SYCP2: variants seen among roughly 807,000 people sequenced by gnomAD.
SYCP2 encodes synaptonemal complex protein 2.
Under a neutral mutation model 211.3 loss-of-function variants are expected in SYCP2, and 55 were observed. The observed-to-expected ratio is 0.26, with a 90% CI of 0.21 to 0.33. The LOEUF is 0.33. Among genes scored for constraint, SYCP2 ranks in the 10% least tolerant of loss-of-function variants. The pLI is 1.00. For missense variants in SYCP2, 1,731 were observed against 1,752.0 expected (o/e 0.99, Z 0.21); for synonymous variants, 570 against 555.2 (o/e 1.03, Z -0.37).
intron 24 of SYCP2, among the ~76,000 whole-genome samples, chr20:59,889,824 C>T (rs2059869598): frequency 6.6e-6 from 1 of 151,964 alleles, no homozygotes; most frequent in African/African-American, 2.4e-5. Flanking sequence ...AGTAGAAAGA[C>T]AGTATCAGAC....
chr20:59,921,238 G>T, intron 4 of SYCP2, 72 bp downstream of exon 4: 1 of 1,313,800 alleles, frequency 7.6e-7, no homozygotes. Flanking sequence ...TTTTTCTAAT[G>T]GAGTACTTCC....
intron 31 of SYCP2, 55 bp from the exon 32 acceptor site, chr20:59,878,100 A>C (rs369101708): frequency 1.8e-6 from 2 of 1,112,002 alleles, no homozygotes; most frequent in East Asian, 2.4e-5. Flanking sequence ...ATAGGCATTA[A>C]ATTTATTAGA....
chr20:59,919,608 G>C lies in SYCP2; in HGVS notation c.298-11C>G. 1 of 1,530,634 alleles carries C rather than the reference G, an allele frequency of 6.5e-7. No individual in the cohort carries two copies. The highest frequency in any genetic ancestry group is 1.4e-5 in the African/African-American group (1 of 72,510). 94.8% of individuals were successfully genotyped at this position (1,530,634 alleles called of 1,614,324 possible). A position where few individuals can be genotyped will look rare whatever the true frequency, so the allele number is the denominator to read the frequency against. ...AAACCAGGCAACCATGTAAAAAAAG[G>C]AATGAACTTATTAGAGTTCCATTTT... On this transcript the variant is annotated splice_polypyrimidine_tract_variant and intron_variant, in intron 5 of 44. Transcript: ENST00000357552.
At chr20:59,913,849 A>G in intron 12 of SYCP2, 126 bp downstream of exon 12, 1 of 571,276 alleles carries the variant, frequency 1.8e-6, no homozygotes, top group South Asian at 4.9e-5. Flanking sequence ...ATCTATGCAC[A>G]TTCTACACTC....
chr20:59,902,415 G>A (rs1476007453), intron 15 of SYCP2, among the ~76,000 whole-genome samples: 3 of 152,022 alleles, frequency 2.0e-5, no homozygotes, highest in Non-Finnish European at 4.4e-5. Context: ...AAAATTACCT[G>A]GCCCCTAATA....
intron 7 of SYCP2, among the ~76,000 whole-genome samples, chr20:59,918,945 A>G (rs1343282946): frequency 1.3e-5 from 2 of 152,110 alleles, no homozygotes; most frequent in African/African-American, 2.4e-5. Context: ...TTCTTGTTAT[A>G]CAAGTACCCT....
chr20:59,906,996 T>C (rs1022653995), intron 15 of SYCP2, among the ~76,000 whole-genome samples: 4 of 152,168 alleles, frequency 2.6e-5, no homozygotes, highest in Non-Finnish European at 5.9e-5. Flanking sequence ...ATATCTAAAT[T>C]TGTAATAGTA....
In SYCP2 at chr20:59,867,797, C is replaced by T. The variant is rs964680797; in HGVS notation, c.4039G>A (p.Glu1347Lys). 4 of 1,609,288 alleles carry T rather than the reference C, an allele frequency of 2.5e-6. No homozygotes were observed. The highest frequency in any genetic ancestry group is 2.7e-5 in the African/African-American group (2 of 74,622). Residue 1347 changes from glutamate (E) to lysine (K), a missense_variant, in exon 39 of 45, where the codon GAG (glutamate) becomes AAG (lysine). By Grantham distance (56) the Glu-to-Lys change is moderately conservative. This residue lies in a region of SYCP2 where 1,387 missense variants were observed against 1,351.3 expected (regional missense o/e 1.03). Transcript: ENST00000357552. ...CCTGCAAATTCATTTTGCCAGGTCT[C>T]CCAAGGAATAGAAAAGTCATTTGTT... ...LSTNDFSIPWETWQNEFAGIE... is the reference protein window; with the variant it reads ...LSTNDFSIPWKTWQNEFAGIE...
intron 41 of SYCP2, 90 bp from the exon 42 acceptor site, chr20:59,865,955 A>G: frequency 1.9e-6 from 1 of 540,536 alleles, no homozygotes; most frequent in Non-Finnish European, 3.1e-6. Context: ...AAAAATTAAA[A>G]TCCAACAGTA....
intron 26 of SYCP2, among the ~76,000 whole-genome samples, chr20:59,884,465 CTAAA>C (rs916465687): frequency 4.2e-4 from 64 of 151,982 alleles, no homozygotes; most frequent in African/African-American, 1.1e-3. Context: ...TTAAATATCA[CTAAA>C]TAATTGATTA....
intron 24 of SYCP2, among the ~76,000 whole-genome samples, chr20:59,890,211 T>C (rs1416392236): frequency 2.6e-5 from 4 of 152,160 alleles, no homozygotes; most frequent in Admixed American, 1.3e-4. Flanking sequence ...TGGAATACTA[T>C]GCAGCCATAA....
At chr20:59,931,913 C>T (rs1158951410) in intron 2 of SYCP2, 149 bp downstream of exon 2, 2 of 152,144 alleles carry the variant, frequency 1.3e-5, no homozygotes, top group East Asian at 3.9e-4. Context: ...AGAAGGCTAA[C>T]TCTAAAAAGA....
chr20:59,901,532 G>A (rs2060115289), intron 16 of SYCP2, 130 bp downstream of exon 16: 4 of 581,058 alleles, frequency 6.9e-6, no homozygotes, highest in Non-Finnish European at 1.1e-5. Context: ...CTCTTCAACA[G>A]TACAAATTTA....
intron 22 of SYCP2, 139 bp from the exon 23 acceptor site, chr20:59,892,840 T>G (rs1305993696): frequency 2.8e-6 from 2 of 703,794 alleles, no homozygotes; most frequent in African/African-American, 1.8e-5. Flanking sequence ...ATCTTACAGT[T>G]CTACTGTATA....
chr20:59,920,286 A>T, intron 5 of SYCP2, 73 bp downstream of exon 5: 1 of 1,319,722 alleles, frequency 7.6e-7, no homozygotes, highest in Non-Finnish European at 1.0e-6. Context: ...AACAATTTGG[A>T]TAATTTCTTA....
At chr20:59,897,267 T>G (rs1024652489) in intron 18 of SYCP2, among the ~76,000 whole-genome samples, 1 of 152,114 alleles carries the variant, frequency 6.6e-6, no homozygotes, top group African/African-American at 2.4e-5. Context: ...AGTGGGTATG[T>G]ATATGAAACG....
chr20:59,889,145 G>T (rs953522970), intron 24 of SYCP2, among the ~76,000 whole-genome samples: 2 of 151,996 alleles, frequency 1.3e-5, no homozygotes, highest in Non-Finnish European at 2.9e-5. Flanking sequence ...GTGCAATACT[G>T]TAATGGTAGA....
chr20:59,892,442 A>C lies in SYCP2; in HGVS notation c.1928-16T>G, dbSNP rs370113255. On this transcript the variant is annotated splice_polypyrimidine_tract_variant and intron_variant, in intron 23 of 44. Coordinates refer to ENST00000357552, the MANE Select transcript of SYCP2 (RefSeq NM_014258.4). Reference sequence around the variant, plus strand: ...ATAACAATATCTATTGGGGAAAATGAGAAATTAATTCTTTTTAAATTAATA... The same window carrying C: ...ATAACAATATCTATTGGGGAAAATGCGAAATTAATTCTTTTTAAATTAATA... 1.4e-6 allele frequency: 2 copies of C among 1,468,210 alleles called. No homozygotes were observed. 90.9% of individuals were successfully genotyped at this position (1,468,210 alleles called of 1,614,324 possible).
intron 10 of SYCP2, 84 bp from the exon 11 acceptor site, chr20:59,914,335 T>C (rs2060390441): frequency 2.8e-6 from 2 of 717,780 alleles, no homozygotes; most frequent in Non-Finnish European, 4.3e-6. Flanking sequence ...GGTATTAGAA[T>C]AAGCAAGAGA....
Sources: gnomAD v4.1 joint callset for allele counts (sites outside exome capture counted in the v4.1 genomes callset) on GRCh38, gnomAD v4.1.1 for gene constraint, gnomAD v4.1.1 regional missense constraint, MANE v1.5 for transcripts, NCBI Gene and HGNC (gene_info 2026-07-23, HGNC 2026-07-21) for gene names.